Variants in BANK1 observed in about 807,000 individuals in gnomAD.
The protein encoded by BANK1 is B-cell scaffold protein with ankyrin repeats.
BANK1 carries 95 observed loss-of-function variants against 94.5 expected under a neutral mutation model. That is an observed-to-expected ratio of 1.00 (90% CI 0.85 to 1.19). The LOEUF is 1.19. Among genes scored for constraint, BANK1 ranks in the 50% most tolerant of loss-of-function variants. The pLI is 0.00. For synonymous variants in BANK1, 334 were observed against 308.4 expected (o/e 1.08, Z -0.87); for missense variants, 987 against 932.2 (o/e 1.06, Z -0.77).
rs186860297 is a variant in BANK1, at chr4:101,840,851, G to A, written c.469+10645G>A. On this transcript the variant is annotated intron_variant, in intron 2 of 16. Transcript: ENST00000322953. Reference sequence around the variant, plus strand: ...GGTCTCCCCCACCGAGCTGGTCTCAGCATATTTTGAGTGAGGGTCTCACTC... The same window carrying A: ...GGTCTCCCCCACCGAGCTGGTCTCAACATATTTTGAGTGAGGGTCTCACTC... Among the ~76,000 whole-genome samples the A allele has an allele frequency of 2.0e-5, 3 of 152,194 alleles. No individual in the cohort carries two copies. In the East Asian group the frequency reaches 5.8e-4, roughly 29 times the overall value.
intron 7 of BANK1, among the ~76,000 whole-genome samples, chr4:101,980,514 A>G (rs1330174138): frequency 6.6e-6 from 1 of 151,512 alleles, no homozygotes; most frequent in East Asian, 1.9e-4. Flanking sequence ...TTTTAATCTG[A>G]TAAGGCTGCT....
chr4:101,906,421 A>G (rs1273128397), intron 6 of BANK1, among the ~76,000 whole-genome samples: 2 of 152,190 alleles, frequency 1.3e-5, no homozygotes, highest in Non-Finnish European at 2.9e-5. Context: ...CTGCCTGAAT[A>G]GAACTAAGAG....
At chr4:101,842,158 T>C (rs1336297748) in intron 2 of BANK1, among the ~76,000 whole-genome samples, 4 of 152,220 alleles carry the variant, frequency 2.6e-5, no homozygotes, top group African/African-American at 9.6e-5. Flanking sequence ...ACACCTTGCA[T>C]TCTTTGTGCA....
At chr4:101,956,816 G>A (rs994969660) in intron 7 of BANK1, among the ~76,000 whole-genome samples, 10 of 152,258 alleles carry the variant, frequency 6.6e-5, no homozygotes, top group African/African-American at 2.4e-4. Flanking sequence ...CTTAGGCATA[G>A]AATTATATAG....
chr4:102,001,124 A>G (rs1460638110), intron 7 of BANK1, among the ~76,000 whole-genome samples: 3 of 152,310 alleles, frequency 2.0e-5, no homozygotes, highest in Admixed American at 6.5e-5. Context: ...GTGTATGGTC[A>G]CAGGCTGGTT....
intron 11 of BANK1, among the ~76,000 whole-genome samples, chr4:102,055,551 C>A (rs946750584): frequency 1.3e-5 from 2 of 151,922 alleles, no homozygotes; most frequent in Admixed American, 1.3e-4. Context: ...ATACTTTCTC[C>A]ATTATTTTTA....
At chr4:101,970,778 A>C (rs1311795998) in intron 7 of BANK1, among the ~76,000 whole-genome samples, 1 of 152,102 alleles carries the variant, frequency 6.6e-6, no homozygotes, top group Admixed American at 6.6e-5. Context: ...AAAACCAAAC[A>C]TCTGATAAGG....
At chr4:101,797,900 A>G (rs1725213223) in intron 1 of BANK1, among the ~76,000 whole-genome samples, 1 of 152,232 alleles carries the variant, frequency 6.6e-6, no homozygotes, top group East Asian at 1.9e-4. Flanking sequence ...ACAACAATGA[A>G]TAGGATAACA....
chr4:101,991,232 C>G (rs1305874061), intron 7 of BANK1, among the ~76,000 whole-genome samples: 1 of 152,172 alleles, frequency 6.6e-6, no homozygotes, highest in Admixed American at 6.6e-5. Flanking sequence ...ACTTGCCTTC[C>G]TTAGGGTGTG....
At chr4:101,797,129 A>G (rs4496585) in intron 1 of BANK1, among the ~76,000 whole-genome samples, 41,580 of 152,050 alleles carry the variant, frequency 0.27, 6,016 homozygotes, top group Non-Finnish European at 0.32. Context: ...ATAGTGTGTT[A>G]TTAATGTTCA....
At chr4:101,957,652 T>C (rs962855664) in intron 7 of BANK1, among the ~76,000 whole-genome samples, 1 of 152,182 alleles carries the variant, frequency 6.6e-6, no homozygotes, top group African/African-American at 2.4e-5. Context: ...AGTGTTTGCA[T>C]TTTCCACTTA....
chr4:101,946,763 C>T (rs1018294870), intron 7 of BANK1, among the ~76,000 whole-genome samples: 1 of 151,744 alleles, frequency 6.6e-6, no homozygotes, highest in African/African-American at 2.4e-5. Flanking sequence ...CCTTTATTTC[C>T]CGAAAACAGA....
In BANK1 at chr4:101,790,900, G is replaced by A; in HGVS notation, c.20G>A (p.Gly7Asp). 1 of 1,540,174 alleles carries A rather than the reference G, an allele frequency of 6.5e-7. No individual in the cohort carries two copies. The highest frequency in any genetic ancestry group is 8.7e-7 in the Non-Finnish European group (1 of 1,147,628). The change falls in exon 1 of 17, where the codon GGC becomes GAC. Residue 7 changes from glycine (G) to aspartate (D), a missense_variant. Coordinates refer to ENST00000322953, the MANE Select transcript of BANK1 (RefSeq NM_017935.5). MLPAAP[G>D]KGLGSPDPAP... ...GCCACAATGCTGCCAGCAGCGCCAGGCAAGGGGCTTGGGAGCCCGGACCCC... is the reference window on the plus strand; with the variant it reads ...GCCACAATGCTGCCAGCAGCGCCAGACAAGGGGCTTGGGAGCCCGGACCCC...
intron 7 of BANK1, among the ~76,000 whole-genome samples, chr4:101,930,016 ATAAT>A (rs780872874): frequency 6.6e-6 from 1 of 151,448 alleles, no homozygotes; most frequent in East Asian, 2.0e-4. Context: ...TTAATATGTA[ATAAT>A]TAATATATTA....
intron 2 of BANK1, among the ~76,000 whole-genome samples, chr4:101,839,693 T>C (rs1398178935): frequency 6.6e-6 from 1 of 152,094 alleles, no homozygotes; most frequent in Non-Finnish European, 1.5e-5. Context: ...AGGATTTGTC[T>C]GAATCATTGC....
intron 1 of BANK1, among the ~76,000 whole-genome samples, chr4:101,826,729 G>A (rs1304320872): frequency 6.6e-6 from 1 of 151,908 alleles, no homozygotes; most frequent in East Asian, 1.9e-4. Flanking sequence ...ACTTACGTGT[G>A]ATTCCCATAT....
At position 102,073,701 on chromosome 4, in the gene BANK1, A is replaced by G. The variant is rs200271324; in HGVS notation, c.2316A>G (p.Gln772=). The change falls in exon 16 of 17, where the codon CAA becomes CAG. Residue 772 remains glutamine, a synonymous_variant. Coordinates refer to ENST00000322953, the MANE Select transcript of BANK1 (RefSeq NM_017935.5). ...TTTTTCAGCTTCCTGCTCGACCCCA[A>G]GTTGAAAAGGAATTTGGTTTCTGTT... ...HFSNKLPARP[Q]VEKEFGFCCK... The G allele has an allele frequency of 1.2e-5, 20 of 1,611,730 alleles. No homozygotes were observed. In the African/African-American group the frequency reaches 1.5e-4, roughly 12 times the overall value.
At chr4:101,798,340 C>A (rs778578885) in intron 1 of BANK1, among the ~76,000 whole-genome samples, 9 of 152,126 alleles carry the variant, frequency 5.9e-5, no homozygotes, top group Non-Finnish European at 4.4e-5. Flanking sequence ...AGATCAGTGT[C>A]ACGGCAGCAA....
At chr4:102,014,615 A>T (rs1726627919) in intron 7 of BANK1, among the ~76,000 whole-genome samples, 1 of 152,052 alleles carries the variant, frequency 6.6e-6, no homozygotes, top group African/African-American at 2.4e-5. Context: ...TGTCACTTTG[A>T]TTTTCCCAGC....
Sources: gnomAD v4.1 joint callset for allele counts (sites outside exome capture counted in the v4.1 genomes callset) on GRCh38, gnomAD v4.1.1 for gene constraint, MANE v1.5 for transcripts, NCBI Gene and HGNC (gene_info 2026-07-23, HGNC 2026-07-21) for gene names.